The following APBB1IP variants were observed in gnomAD, a reference collection of about 807,000 sequenced individuals.
APBB1IP encodes amyloid beta precursor protein binding family B member 1 interacting protein, also known as amyloid beta A4 precursor protein-binding family B member 1-interacting protein.
A neutral mutation model predicts 64.9 loss-of-function variants in APBB1IP; 27 were observed. The observed-to-expected ratio is 0.42, with a 90% CI of 0.31 to 0.57. The LOEUF (loss-of-function observed/expected upper bound fraction) is 0.57. Ranked by LOEUF, APBB1IP falls within the 20% of genes least tolerant of loss-of-function variation. The pLI, the probability that APBB1IP is intolerant of heterozygous loss-of-function variation, is 0.20. For synonymous variants in APBB1IP, 392 were observed against 331.0 expected (o/e 1.18, Z -2.00); for missense variants, 812 against 845.5 (o/e 0.96, Z 0.49).
At chr10:26,507,051 A>G (rs76099571) in intron 6 of APBB1IP, among the ~76,000 whole-genome samples, 1 of 152,084 alleles carries the variant, frequency 6.6e-6, no homozygotes, top group Non-Finnish European at 1.5e-5. Flanking sequence ...GGAGGTGGGG[A>G]AAAAAGGAAG....
intron 2 of APBB1IP, among the ~76,000 whole-genome samples, chr10:26,480,493 G>A (rs1835822015): frequency 6.6e-6 from 1 of 152,110 alleles, no homozygotes; most frequent in Non-Finnish European, 1.5e-5. Flanking sequence ...CCAGGAGGGA[G>A]TGATCAATAA....
At chr10:26,542,904 G>C (rs116320370) in intron 11 of APBB1IP, among the ~76,000 whole-genome samples, 1,998 of 150,158 alleles carry the variant, frequency 0.013, 39 homozygotes, top group African/African-American at 0.047. Context: ...AGGGTCATTT[G>C]GCGAACCCTA....
intron 6 of APBB1IP, among the ~76,000 whole-genome samples, chr10:26,505,913 C>T (rs1474707002): frequency 6.6e-6 from 1 of 152,166 alleles, no homozygotes; most frequent in Non-Finnish European, 1.5e-5. Flanking sequence ...ATGAATCCTC[C>T]CAGTGGCCTC....
At chr10:26,496,227 T>C in intron 3 of APBB1IP, 77 bp from the exon 4 acceptor site, 1 of 1,108,418 alleles carries the variant, frequency 9.0e-7, no homozygotes, top group Non-Finnish European at 1.4e-6. Flanking sequence ...ATACATGGTT[T>C]TTGACTTGCT....
chr10:26,488,634 C>A (rs1427517847), intron 2 of APBB1IP, among the ~76,000 whole-genome samples: 1 of 152,238 alleles, frequency 6.6e-6, no homozygotes, highest in East Asian at 1.9e-4. Flanking sequence ...TGACTTCCCT[C>A]ATGAACCAGG....
rs748710915 is a variant in APBB1IP at position 26,567,582 on chromosome 10, G to C, written c.*94G>C. ...TTGCCCTGACATCTTGTTCATTTCA[G>C]ATAAAATGTGATGGGAAACTTCTCA... On this transcript the variant is annotated 3_prime_UTR_variant, in exon 15 of 15. Transcript: ENST00000376236. The C allele has an allele frequency of 6.9e-7, 1 of 1,458,424 alleles. No homozygotes were observed. The highest frequency in any genetic ancestry group is 1.4e-5 in the African/African-American group (1 of 70,340). 90.3% of individuals were successfully genotyped at this position (1,458,424 alleles called of 1,614,324 possible).
In APBB1IP at chr10:26,565,060, C is replaced by T. The variant is rs76376851; in HGVS notation, c.1474-1901C>T. The stretch of plus-strand genomic sequence containing the variant: ...AGGCAGAAAGGTCTTTGCCAGGCAA[C>T]ATATCCTTTGTGCCTACGTTTGCAC... On this transcript the variant is annotated intron_variant, in intron 14 of 14. Coordinates refer to ENST00000376236, the MANE Select transcript of APBB1IP (RefSeq NM_019043.4). Among the ~76,000 whole-genome samples the T allele has an allele frequency of 6.8e-3, 1,041 of 152,274 alleles. 7 individuals carry two copies. Among genetic ancestry groups the T allele is most frequent in the African/African-American group, 0.024 (983 of 41,550 alleles).
At chr10:26,487,384 T>C (rs1440198695) in intron 2 of APBB1IP, among the ~76,000 whole-genome samples, 1 of 152,266 alleles carries the variant, frequency 6.6e-6, no homozygotes, top group East Asian at 1.9e-4. Context: ...AGGTCAATTA[T>C]GTAATATGAC....
At chr10:26,536,612 G>A (rs1166847006) in intron 10 of APBB1IP, among the ~76,000 whole-genome samples, 1 of 101,814 alleles carries the variant, frequency 9.8e-6, no homozygotes, top group East Asian at 3.1e-4. Flanking sequence ...TTTTTCTTTT[G>A]AGATAGTCTC....
chr10:26,537,820 G>A (rs1399504256), intron 10 of APBB1IP, among the ~76,000 whole-genome samples: 1 of 151,830 alleles, frequency 6.6e-6, no homozygotes, highest in African/African-American at 2.4e-5. Context: ...TGTAATCCCA[G>A]TAGCTGGGGA....
At chr10:26,513,132 G>T (rs781739166) in intron 7 of APBB1IP, among the ~76,000 whole-genome samples, 5 of 152,176 alleles carry the variant, frequency 3.3e-5, no homozygotes, top group Non-Finnish European at 5.9e-5. Flanking sequence ...AAAAAAGTAT[G>T]TCTCTGGGTA....
In APBB1IP at chr10:26,533,027, G is replaced by A. The variant is rs572947279; in HGVS notation, c.814-412G>A. On this transcript the variant is annotated intron_variant, in intron 8 of 14. Coordinates refer to ENST00000376236, the MANE Select transcript of APBB1IP (RefSeq NM_019043.4). ...CCTACAAGGCCTTGAGCTCCCATGT[G>A]GCATCTGCCTGCCGGAGCAGTTCCC... Among the ~76,000 whole-genome samples the A allele has an allele frequency of 2.6e-5, 4 of 152,296 alleles. No homozygotes were observed. The East Asian group carries it at 7.7e-4, about 29-fold the overall frequency.
intron 10 of APBB1IP, among the ~76,000 whole-genome samples, chr10:26,537,982 C>A (rs1836649431): frequency 6.7e-6 from 1 of 149,078 alleles, no homozygotes; most frequent in African/African-American, 2.5e-5. Flanking sequence ...GACAAGAATA[C>A]CTTCTCTCAC....
At chr10:26,495,268 A>G (rs1307098626) in intron 3 of APBB1IP, among the ~76,000 whole-genome samples, 1 of 151,706 alleles carries the variant, frequency 6.6e-6, no homozygotes, top group Non-Finnish European at 1.5e-5. Context: ...AGCCTCCCAA[A>G]GTGCTGGGAT....
intron 2 of APBB1IP, among the ~76,000 whole-genome samples, chr10:26,489,493 T>C (rs748465662): frequency 6.6e-6 from 1 of 152,232 alleles, no homozygotes; most frequent in Non-Finnish European, 1.5e-5. Context: ...TTGGGAAGAT[T>C]AAGTGCTAGC....
intron 8 of APBB1IP, among the ~76,000 whole-genome samples, chr10:26,522,467 T>G (rs895698213): frequency 1.3e-5 from 2 of 152,034 alleles, no homozygotes; most frequent in African/African-American, 4.8e-5. Flanking sequence ...ATATTGTTCC[T>G]TTTTTTTCCC....
chr10:26,461,004 C>T (rs1186937263), intron 2 of APBB1IP, among the ~76,000 whole-genome samples: 1 of 152,120 alleles, frequency 6.6e-6, no homozygotes, highest in Non-Finnish European at 1.5e-5. Context: ...TGACTAATCA[C>T]AGGTAGAATC....
chr10:26,450,161 C>T (rs1027061666), intron 2 of APBB1IP, among the ~76,000 whole-genome samples: 5 of 152,092 alleles, frequency 3.3e-5, no homozygotes, highest in African/African-American at 4.8e-5. Context: ...GGATCAAACA[C>T]GGGCATTGGA....
At chr10:26,551,936 T>A (rs1006096422) in intron 11 of APBB1IP, among the ~76,000 whole-genome samples, 12 of 138,066 alleles carry the variant, frequency 8.7e-5, no homozygotes, top group Non-Finnish European at 1.6e-4. Flanking sequence ...GGTGGATGGA[T>A]GGATGGATGG....
Sources: allele counts gnomAD v4.1 joint callset (sites outside exome capture counted in the v4.1 genomes callset), GRCh38; gene constraint gnomAD v4.1.1; transcripts MANE v1.5; gene names NCBI Gene and HGNC (gene_info 2026-07-23, HGNC 2026-07-21).